NKD1: variants seen among roughly 807,000 people sequenced by gnomAD.
NKD1 encodes NKD inhibitor of Wnt signaling pathway 1.
In NKD1, 21 loss-of-function variants were observed where a neutral mutation model predicts 56.0. The ratio of observed to expected loss-of-function variants is 0.38; its 90% CI spans 0.27 to 0.54. The LOEUF (loss-of-function observed/expected upper bound fraction) is 0.54. NKD1 is among the 20% of genes least tolerant of loss of function. The probability of loss-of-function intolerance (pLI) is 0.82; values close to 1 mark genes in which losing one functional copy is unlikely to be tolerated. For missense variants in NKD1, 578 were observed against 642.7 expected (o/e 0.90, Z 1.09); for synonymous variants, 263 against 265.7 (o/e 0.99, Z 0.10).
intron 4 of NKD1, among the ~76,000 whole-genome samples, chr16:50,620,471 A>G (rs1352955647): frequency 1.3e-5 from 2 of 152,156 alleles, no homozygotes; most frequent in African/African-American, 4.8e-5. Context: ...AGCACCTCAC[A>G]TGACCCCCTG....
At chr16:50,585,339 G>A (rs1407836562) in intron 3 of NKD1, among the ~76,000 whole-genome samples, 1 of 152,214 alleles carries the variant, frequency 6.6e-6, no homozygotes, top group East Asian at 1.9e-4. Context: ...GGGCTGGTAG[G>A]GCCTTGGTGG....
At position 50,632,356 on chromosome 16, in the gene NKD1, C is replaced by A; in HGVS notation, c.771C>A (p.Asn257Lys). 1 of 1,614,114 alleles carries A rather than the reference C, an allele frequency of 6.2e-7. No homozygotes were observed. The highest frequency in any genetic ancestry group is 1.1e-5 in the South Asian group (1 of 91,082). The change falls in exon 9 of 10, where the codon AAC becomes AAA. Residue 257 changes from asparagine (N) to lysine (K), a missense_variant. Transcript: ENST00000268459. The surrounding 1 kb of genome is among the most constrained non-coding windows in gnomAD (Gnocchi z 4.1). ...TAGATGAGAACATCGAGAGGAGAAA[C>A]CACTACTTAGATCTCGCCGGGATAG... ...HCVDENIERRNHYLDLAGIEN... is the reference protein window; with the variant it reads ...HCVDENIERRKHYLDLAGIEN...
At chr16:50,596,613 A>C (rs1255522515) in intron 3 of NKD1, among the ~76,000 whole-genome samples, 1 of 152,262 alleles carries the variant, frequency 6.6e-6, no homozygotes, top group East Asian at 1.9e-4. Context: ...TTTTCTTTCA[A>C]GAAAATGCAG....
chr16:50,612,179 T>G (rs552351070), intron 4 of NKD1, among the ~76,000 whole-genome samples: 1 of 152,328 alleles, frequency 6.6e-6, no homozygotes, highest in African/African-American at 2.4e-5. Context: ...TCTGCCTCAC[T>G]GAAAGCAGGT....
In NKD1 at chr16:50,644,056, A is replaced by G. The variant is rs943917361; in HGVS notation, c.*10275A>G. The G allele has an allele frequency of 3.9e-5, 6 of 152,258 alleles. 1 individual carries two copies. Among genetic ancestry groups the G allele is most frequent in the Admixed American group, 3.3e-4 (5 of 15,280 alleles). The allele number at this position is 152,258 out of a possible 1,614,324, so 9.4% of individuals were successfully genotyped here. ...AACTGAACCACGAAAGCAGAGCATC[A>G]TCTTGTTCGACCTCAGTTGAGAACA... On this transcript the variant is annotated 3_prime_UTR_variant, in exon 10 of 10. Coordinates refer to ENST00000268459, the MANE Select transcript of NKD1 (RefSeq NM_033119.5).
At chr16:50,569,518 G>T (rs1185695441) in intron 3 of NKD1, among the ~76,000 whole-genome samples, 2 of 152,014 alleles carry the variant, frequency 1.3e-5, no homozygotes, top group African/African-American at 2.4e-5. Context: ...TCTTTGTTCT[G>T]CCCTGGGTTG....
chr16:50,625,018 C>T (rs1466581576), intron 5 of NKD1, among the ~76,000 whole-genome samples: 1 of 152,124 alleles, frequency 6.6e-6, no homozygotes, highest in East Asian at 1.9e-4. Flanking sequence ...CAGTGACATG[C>T]CCAGGGTCAC....
chr16:50,600,539 G>T (rs1961572080), intron 3 of NKD1, among the ~76,000 whole-genome samples: 1 of 152,110 alleles, frequency 6.6e-6, no homozygotes, highest in African/African-American at 2.4e-5. Context: ...GCAAGACTAG[G>T]TTAAAAAGAG....
chr16:50,548,641 C>T, intron 1 of NKD1, 63 bp downstream of exon 1: 1 of 1,456,200 alleles, frequency 6.9e-7, no homozygotes, highest in South Asian at 1.3e-5. Flanking sequence ...CGGTCGCTAA[C>T]TCTCTCCCTT....
At chr16:50,613,487 G>A (rs1024810638) in intron 4 of NKD1, 1 of 152,194 alleles carries the variant, frequency 6.6e-6, no homozygotes, top group Admixed American at 6.5e-5. Flanking sequence ...TCAGTTCAGA[G>A]CCTGTCCTGT....
At chr16:50,591,305 G>A (rs1182528333) in intron 3 of NKD1, among the ~76,000 whole-genome samples, 1 of 152,234 alleles carries the variant, frequency 6.6e-6, no homozygotes, top group African/African-American at 2.4e-5. Context: ...TGGGCAGGGT[G>A]TCTGGCGCTG....
chr16:50,646,378 G>GT lies in NKD1; in HGVS notation c.*12597_*12598insT, dbSNP rs1408336141. The GT allele has an allele frequency of 1.3e-5, 2 of 149,448 alleles. No homozygotes were observed. The highest frequency in any genetic ancestry group is 4.9e-5 in the African/African-American group (2 of 40,780). The allele number at this position is 149,448 out of a possible 1,614,324, so 9.3% of individuals were successfully genotyped here. ...AGACGAGGAAGAAAAAGAGGGGGGG[G>GT]GGAGAGAGAACGAAGGCTAACTGAT... On this transcript the variant is annotated 3_prime_UTR_variant, in exon 10 of 10. Coordinates refer to ENST00000268459, the MANE Select transcript of NKD1 (RefSeq NM_033119.5).
chr16:50,551,921 G>A (rs1179361740), intron 3 of NKD1: 1 of 152,162 alleles, frequency 6.6e-6, no homozygotes, highest in African/African-American at 2.4e-5. Flanking sequence ...TATTGAACAG[G>A]ACAGCAATGG....
intron 3 of NKD1, among the ~76,000 whole-genome samples, chr16:50,589,771 C>A (rs371791631): frequency 1.5e-5 from 1 of 67,664 alleles, no homozygotes; most frequent in African/African-American, 6.6e-5. Context: ...TCTCTCCTCT[C>A]CTCTCCTCTC....
In NKD1 at chr16:50,598,790, A is replaced by G. The variant is rs1371381532; in HGVS notation, c.193-9504A>G. On this transcript the variant is annotated intron_variant, in intron 3 of 9. Transcript: ENST00000268459. This position sits in a 1 kb window ranked among gnomAD's most constrained non-coding sequence, Gnocchi z 4.2. ...TGGTGGGGCCAGTGGTGTGGTGGGC[A>G]GTGGTGTGGCAGGATCAGTGGTGCG... Among the ~76,000 whole-genome samples, 6 of 151,796 alleles carry G rather than the reference A, an allele frequency of 4.0e-5. No homozygotes were observed. Among genetic ancestry groups the G allele is most frequent in the Non-Finnish European group, 7.4e-5 (5 of 67,942 alleles).
chr16:50,588,749 G>A (rs1385653428), intron 3 of NKD1, among the ~76,000 whole-genome samples: 5 of 151,526 alleles, frequency 3.3e-5, no homozygotes, highest in Non-Finnish European at 5.9e-5. Context: ...GATTACCAGC[G>A]CCCGCCATCA....
chr16:50,633,802 C>T lies in NKD1; in HGVS notation c.*21C>T, dbSNP rs1962409177. 2 of 1,346,020 alleles carry T rather than the reference C, an allele frequency of 1.5e-6. No homozygotes were observed. Among genetic ancestry groups the T allele is most frequent in the South Asian group, 3.1e-5 (2 of 63,516 alleles). The allele number at this position is 1,346,020 out of a possible 1,614,324, so 83.4% of individuals were successfully genotyped here. A position where few individuals can be genotyped will look rare whatever the true frequency, so the allele number is the denominator to read the frequency against. On this transcript the variant is annotated 3_prime_UTR_variant, in exon 10 of 10. Coordinates refer to ENST00000268459, the MANE Select transcript of NKD1 (RefSeq NM_033119.5). This position sits in a 1 kb window ranked among gnomAD's most constrained non-coding sequence, Gnocchi z 4.9. ...CATAGAGCCCCTCCCCAGGGCCCCA[C>T]CCTGCCATATGAAGGACCCCACCCC...
rs1962407238 is a variant in NKD1, at chr16:50,633,737, C to A, written c.1369C>A (p.His457Asn). The A allele has an allele frequency of 3.2e-6, 5 of 1,549,122 alleles. No individual in the cohort carries two copies. Among genetic ancestry groups the A allele is most frequent in the East Asian group, 2.4e-5 (1 of 41,916 alleles). ...GGTCCAGAGACATGAGCACCACCAC[C>A]ACCATGAACATCACCACCATTACCA... The part of the protein sequence containing the change: ...QPVQRHEHHH[H>N]HEHHHHYHHF... Residue 457 changes from histidine to asparagine, a missense_variant, in exon 10 of 10, where the codon CAC becomes AAC. By Grantham distance (68) the His-to-Asn change is moderately conservative (BLOSUM62 1). Coordinates refer to ENST00000268459, the MANE Select transcript of NKD1 (RefSeq NM_033119.5). The surrounding 1 kb of genome is among the most constrained non-coding windows in gnomAD (Gnocchi z 4.9).
chr16:50,568,007 C>G (rs117886119), intron 3 of NKD1, among the ~76,000 whole-genome samples: 2 of 152,196 alleles, frequency 1.3e-5, no homozygotes, highest in African/African-American at 4.8e-5. Flanking sequence ...TGCTTTATGG[C>G]GAGAGCCAGT....
Sources: allele counts gnomAD v4.1 joint callset (sites outside exome capture counted in the v4.1 genomes callset), GRCh38; gene constraint gnomAD v4.1.1; non-coding constraint Gnocchi (gnomAD v3.1); transcripts MANE v1.5; gene names NCBI Gene and HGNC (gene_info 2026-07-23, HGNC 2026-07-21).